Variants in GLDC observed in about 807,000 individuals in gnomAD.
GLDC encodes the protein glycine dehydrogenase (decarboxylating), mitochondrial.
Under a neutral mutation model 121.3 loss-of-function variants are expected in GLDC, and 104 were observed. That is an observed-to-expected ratio of 0.86 (90% confidence interval 0.73 to 1.01). GLDC has a LOEUF of 1.01. Among genes scored for constraint, GLDC ranks in the 50% least tolerant of loss-of-function variants. The pLI is 0.00. For missense variants in GLDC, 1,429 were observed against 1,306.6 expected, an observed-to-expected ratio of 1.09 and a Z score of -1.44; for synonymous variants, 546 against 480.6, an observed-to-expected ratio of 1.14 and a Z score of -1.78.
At chr9:6,563,433 G>C (rs1587930310) in intron 16 of GLDC, among the ~76,000 whole-genome samples, 1 of 152,206 alleles carries the variant, frequency 6.6e-6, no homozygotes, top group African/African-American at 2.4e-5. Context: ...CACAGGACAG[G>C]CTGCCCCTTT....
chr9:6,580,547 C>A (rs941664106), intron 15 of GLDC, among the ~76,000 whole-genome samples: 2 of 152,142 alleles, frequency 1.3e-5, no homozygotes, highest in East Asian at 3.9e-4. Context: ...TTAGACCTTG[C>A]CAAGCCAGCA....
intron 2 of GLDC, among the ~76,000 whole-genome samples, chr9:6,644,058 AAAAAG>A (rs1474161849): frequency 1.5e-4 from 22 of 145,520 alleles, no homozygotes; most frequent in African/African-American, 5.4e-4. Flanking sequence ...AAACGAAAAA[AAAAAG>A]AAAAGAAAAG....
At chr9:6,637,234 G>A (rs1412506031) in intron 2 of GLDC, among the ~76,000 whole-genome samples, 4 of 151,762 alleles carry the variant, frequency 2.6e-5, no homozygotes, top group Non-Finnish European at 4.4e-5. Flanking sequence ...GTGAAACCCC[G>A]TCTCTACTAA....
intron 2 of GLDC, among the ~76,000 whole-genome samples, chr9:6,625,684 G>A (rs547942842): frequency 2.6e-5 from 4 of 152,132 alleles, no homozygotes; most frequent in African/African-American, 9.6e-5. Context: ...GTGTTGTTTT[G>A]ATTTTGCTTG....
At chr9:6,597,208 C>A (rs1237416643) in intron 8 of GLDC, among the ~76,000 whole-genome samples, 1 of 151,978 alleles carries the variant, frequency 6.6e-6, no homozygotes, top group Admixed American at 6.6e-5. Flanking sequence ...TTGCCAGGGG[C>A]TATAGGAAGG....
At chr9:6,556,914 G>C (rs902294312) in intron 17 of GLDC, among the ~76,000 whole-genome samples, 4 of 152,192 alleles carry the variant, frequency 2.6e-5, no homozygotes, top group African/African-American at 7.2e-5. Flanking sequence ...AACTCTCTAA[G>C]GTGGTTTTCC....
At chr9:6,547,726 T>C (rs1014829346) in intron 21 of GLDC, among the ~76,000 whole-genome samples, 2 of 151,294 alleles carry the variant, frequency 1.3e-5, no homozygotes, top group Non-Finnish European at 2.9e-5. Flanking sequence ...AACTATACAA[T>C]TGGTTAAATC....
chr9:6,589,494 G>T (rs973831176), intron 11 of GLDC, among the ~76,000 whole-genome samples: 3 of 152,100 alleles, frequency 2.0e-5, no homozygotes, highest in Admixed American at 2.0e-4. Flanking sequence ...GCAGTGGCAC[G>T]ATCTCAACTC....
rs760051537 is a variant in GLDC at position 6,592,967 on chromosome 9, G to A, written c.1285C>T (p.Leu429Phe). ...GTATCAAAGAACAGGTCATGCTGGA[G>A]TTGATGCCCTGCTCGCTTGAGACCT... ...SEGLKRAGHQ[L>F]QHDLFFDTLK... Residue 429 changes from leucine to phenylalanine, a missense_variant, in exon 10 of 25, where the codon CTC becomes TTC. Leu to Phe is a conservative substitution (Grantham distance 22). Transcript: ENST00000321612. 11 of 1,610,376 alleles carry A rather than the reference G, an allele frequency of 6.8e-6. No homozygotes were observed. The East Asian group carries it at 2.0e-4, about 29-fold the overall frequency.
chr9:6,565,386 A>C lies in GLDC; in HGVS notation c.1894T>G (p.Tyr632Asp). 1 of 1,613,906 alleles carries C rather than the reference A, an allele frequency of 6.2e-7. No individual in the cohort carries two copies. The highest frequency in any genetic ancestry group is 8.5e-7 in the Non-Finnish European group (1 of 1,179,794). ...TGCCCCTCTCCTTTCTGGTTTAAGT[A>C]GGCTCGGATAGTGGCCAGTCCAGCA... The part of the protein sequence containing the change: ...EYAGLATIRA[Y>D]LNQKGEGHRT... The change falls in exon 16 of 25, where the codon TAC becomes GAC. Residue 632 changes from tyrosine to aspartate, a missense_variant. Tyr to Asp is a radical substitution (Grantham distance 160). Transcript: ENST00000321612.
chr9:6,552,792 T>C (rs1817541875), intron 20 of GLDC, among the ~76,000 whole-genome samples: 1 of 152,052 alleles, frequency 6.6e-6, no homozygotes, highest in African/African-American at 2.4e-5. Flanking sequence ...CTGGTGTTAT[T>C]TGGAATAAGA....
At chr9:6,599,464 T>G (rs567907380) in intron 8 of GLDC, among the ~76,000 whole-genome samples, 1 of 152,206 alleles carries the variant, frequency 6.6e-6, no homozygotes, top group African/African-American at 2.4e-5. Context: ...GGCTTATGCC[T>G]GTAATCCCAG....
chr9:6,543,475 G>A (rs1563830507), intron 21 of GLDC, among the ~76,000 whole-genome samples: 1 of 152,150 alleles, frequency 6.6e-6, no homozygotes, highest in Non-Finnish European at 1.5e-5. Flanking sequence ...GTCAAGCCAA[G>A]CCCAACACAG....
intron 21 of GLDC, among the ~76,000 whole-genome samples, chr9:6,549,917 G>A (rs934392258): frequency 6.6e-6 from 1 of 152,124 alleles, no homozygotes; most frequent in South Asian, 2.1e-4. Flanking sequence ...CTATTGTCCA[G>A]CTCAAGGGTG....
At chr9:6,545,024 G>A (rs1039974151) in intron 21 of GLDC, among the ~76,000 whole-genome samples, 11 of 151,936 alleles carry the variant, frequency 7.2e-5, no homozygotes, top group Admixed American at 1.3e-4. Flanking sequence ...GCTTGAACCC[G>A]GGAGGCAGAG....
At chr9:6,553,963 A>G (rs1817566166) in intron 19 of GLDC, among the ~76,000 whole-genome samples, 1 of 152,144 alleles carries the variant, frequency 6.6e-6, no homozygotes, top group African/African-American at 2.4e-5. Flanking sequence ...CATCATCAAA[A>G]TGAATCTCAC....
intron 22 of GLDC, among the ~76,000 whole-genome samples, chr9:6,537,028 G>T (rs1165336099): frequency 6.9e-6 from 1 of 145,904 alleles, no homozygotes; most frequent in Admixed American, 7.2e-5. Context: ...TTTCTGTAAA[G>T]CATTTTTTTT....
chr9:6,615,717 T>C (rs1329062702), intron 3 of GLDC, among the ~76,000 whole-genome samples: 1 of 151,554 alleles, frequency 6.6e-6, no homozygotes, highest in East Asian at 1.9e-4. Context: ...TTCAAGTGAT[T>C]CTCCTGCTTC....
chr9:6,617,047 G>C (rs549166287), intron 3 of GLDC, among the ~76,000 whole-genome samples: 3 of 152,118 alleles, frequency 2.0e-5, no homozygotes, highest in Non-Finnish European at 4.4e-5. Flanking sequence ...TCTTTCAAGA[G>C]CCCAAATGTT....
Sources: gnomAD v4.1 joint callset for allele counts (sites outside exome capture counted in the v4.1 genomes callset) on GRCh38, gnomAD v4.1.1 for gene constraint, MANE v1.5 for transcripts, NCBI Gene and HGNC (gene_info 2026-07-23, HGNC 2026-07-21) for gene names.